Variants in COL24A1 observed in about 807,000 individuals in gnomAD.
COL24A1 encodes collagen type XXIV alpha 1 chain.
A neutral mutation model predicts 253.9 loss-of-function variants in COL24A1; 224 were observed. That is an observed-to-expected ratio of 0.88 (90% CI 0.79 to 0.99). The LOEUF (loss-of-function observed/expected upper bound fraction) is 0.99, where lower values mean the gene tolerates loss of function less well. COL24A1 is among the 50% of genes least tolerant of loss of function. COL24A1 has a pLI of 0.00. For synonymous variants in COL24A1, 685 were observed against 673.7 expected (o/e 1.02, Z -0.26); for missense variants, 2,131 against 2,068.5 (o/e 1.03, Z -0.59).
At chr1:85,815,495 A>G (rs1442713534) in intron 47 of COL24A1, among the ~76,000 whole-genome samples, 1 of 152,202 alleles carries the variant, frequency 6.6e-6, no homozygotes, top group Admixed American at 6.5e-5. Context: ...TGTTTCTTCC[A>G]AAACAAATAG....
At chr1:85,894,910 A>T (rs1683504043) in intron 31 of COL24A1, among the ~76,000 whole-genome samples, 1 of 152,114 alleles carries the variant, frequency 6.6e-6, no homozygotes, top group Non-Finnish European at 1.5e-5. Flanking sequence ...TACTACATAG[A>T]CAATTATTAA....
At chr1:85,982,653 T>A (rs1167626254) in intron 20 of COL24A1, among the ~76,000 whole-genome samples, 1 of 152,002 alleles carries the variant, frequency 6.6e-6, no homozygotes, top group Admixed American at 6.6e-5. Context: ...TATCCTCTCC[T>A]CTGAACTCCC....
At chr1:85,782,126 G>A (rs991147796) in intron 51 of COL24A1, among the ~76,000 whole-genome samples, 7 of 151,986 alleles carry the variant, frequency 4.6e-5, no homozygotes, top group Non-Finnish European at 8.8e-5. Context: ...TCTTGCTGTC[G>A]CCCAGGCTGG....
At chr1:86,058,733 T>C (rs1190106236) in intron 9 of COL24A1, among the ~76,000 whole-genome samples, 1 of 149,664 alleles carries the variant, frequency 6.7e-6, no homozygotes, top group South Asian at 2.1e-4. Flanking sequence ...GTATACTGTT[T>C]CTCAAATTTT....
At chr1:86,098,067 A>C (rs1704143259) in intron 5 of COL24A1, among the ~76,000 whole-genome samples, 2 of 152,152 alleles carry the variant, frequency 1.3e-5, no homozygotes, top group South Asian at 4.1e-4. Flanking sequence ...GCAACCAAAA[A>C]CAGGATACAC....
chr1:85,950,891 A>C (rs1403529775), intron 24 of COL24A1, among the ~76,000 whole-genome samples: 1 of 152,214 alleles, frequency 6.6e-6, no homozygotes, highest in Non-Finnish European at 1.5e-5. Flanking sequence ...CAACTAGTAG[A>C]AGCCAGGTGA....
chr1:86,064,056 C>CT (rs1411072241), intron 7 of COL24A1, among the ~76,000 whole-genome samples: 1 of 151,986 alleles, frequency 6.6e-6, no homozygotes, highest in Non-Finnish European at 1.5e-5. Context: ...AGCACAGTAT[C>CT]TTTTATAAAA....
chr1:86,085,212 T>C (rs1702975542), intron 7 of COL24A1, among the ~76,000 whole-genome samples: 1 of 152,192 alleles, frequency 6.6e-6, no homozygotes, highest in Non-Finnish European at 1.5e-5. Flanking sequence ...GCATTCCACT[T>C]GATGCTTTTG....
chr1:85,833,109 C>G (rs1333556181), intron 43 of COL24A1, among the ~76,000 whole-genome samples: 1 of 152,084 alleles, frequency 6.6e-6, no homozygotes, highest in Non-Finnish European at 1.5e-5. Flanking sequence ...CCATCAATAC[C>G]TAATTAATGG....
intron 47 of COL24A1, among the ~76,000 whole-genome samples, chr1:85,787,226 C>T (rs1458903479): frequency 6.6e-6 from 1 of 150,974 alleles, no homozygotes; most frequent in East Asian, 1.9e-4. Flanking sequence ...TTTTAAGTTT[C>T]CGGGTACATG....
In COL24A1 at chr1:85,841,224, G is replaced by T; in HGVS notation, c.3625C>A (p.Pro1209Thr). The T allele has an allele frequency of 6.3e-7, 1 of 1,598,980 alleles. No homozygotes were observed. The highest frequency in any genetic ancestry group is 8.5e-7 in the Non-Finnish European group (1 of 1,173,102). Residue 1209 changes from proline to threonine, a missense_variant and splice_region_variant, in exon 42 of 60, where the codon CCA (proline) becomes ACA (threonine). Pro to Thr is a conservative substitution (Grantham distance 38). Transcript: ENST00000370571. Reference sequence around the variant, plus strand: ...AATTATTTCAGAAAAAGACCTACTGGTTCACCTCGAGGCCCAGGTGGTCCT... The same window carrying T: ...AATTATTTCAGAAAAAGACCTACTGTTTCACCTCGAGGCCCAGGTGGTCCT... ...VLGPPGPRGEPGPVGDQGERG... is the reference protein window; with the variant it reads ...VLGPPGPRGETGPVGDQGERG...
At chr1:85,924,025 G>C (rs966151699) in intron 24 of COL24A1, among the ~76,000 whole-genome samples, 1 of 152,178 alleles carries the variant, frequency 6.6e-6, no homozygotes, top group Non-Finnish European at 1.5e-5. Context: ...ACTACCATCA[G>C]AGAATACTAT....
At chr1:85,953,490 T>G (rs1690131132) in intron 24 of COL24A1, among the ~76,000 whole-genome samples, 1 of 152,232 alleles carries the variant, frequency 6.6e-6, no homozygotes, top group South Asian at 2.1e-4. Context: ...AATTCTTTTC[T>G]CATTTTCTAG....
intron 47 of COL24A1, among the ~76,000 whole-genome samples, chr1:85,789,927 T>C (rs1024519701): frequency 1.3e-5 from 2 of 152,192 alleles, no homozygotes; most frequent in Non-Finnish European, 2.9e-5. Flanking sequence ...GATAAGCTTT[T>C]TGATGTACTG....
intron 19 of COL24A1, among the ~76,000 whole-genome samples, chr1:85,991,128 T>C (rs545502760): frequency 1.6e-4 from 24 of 152,292 alleles, no homozygotes; most frequent in African/African-American, 5.5e-4. Context: ...ACTGATTGTC[T>C]TGCCAAAAAC....
intron 52 of COL24A1, among the ~76,000 whole-genome samples, 185 bp downstream of exon 52, chr1:85,781,035 T>A (rs1325289530): frequency 6.6e-6 from 1 of 152,146 alleles, no homozygotes; most frequent in African/African-American, 2.4e-5. Context: ...ACTTACCTAC[T>A]TAGTTACACT....
chr1:86,084,247 G>C (rs1008572257), intron 7 of COL24A1, among the ~76,000 whole-genome samples: 1 of 152,006 alleles, frequency 6.6e-6, no homozygotes, highest in Non-Finnish European at 1.5e-5. Context: ...CACTTCTTGG[G>C]GTAAGTTCAT....
chr1:86,142,541 C>CAAAAAAAA (rs373720712), intron 2 of COL24A1, among the ~76,000 whole-genome samples: 1 of 144,078 alleles, frequency 6.9e-6, no homozygotes, highest in Non-Finnish European at 1.5e-5. Flanking sequence ...AAACAAAAAA[C>CAAAAAAAA]AAAAAACAAA....
chr1:85,794,922 T>C (rs1416795701), intron 47 of COL24A1, among the ~76,000 whole-genome samples: 1 of 152,072 alleles, frequency 6.6e-6, no homozygotes, highest in Non-Finnish European at 1.5e-5. Flanking sequence ...CCGAAATAAG[T>C]TTTAAACCTA....
Sources: allele counts gnomAD v4.1 joint callset (sites outside exome capture counted in the v4.1 genomes callset), GRCh38; gene constraint gnomAD v4.1.1; transcripts MANE v1.5; gene names NCBI Gene and HGNC (gene_info 2026-07-23, HGNC 2026-07-21).